TRRAP: variants seen among roughly 807,000 people sequenced by gnomAD.
TRRAP encodes transformation/transcription domain-associated protein.
A neutral mutation model predicts 438.8 loss-of-function variants in TRRAP; 41 were observed. The ratio of observed to expected loss-of-function variants is 0.09; its 90% CI spans 0.07 to 0.12. TRRAP has a LOEUF of 0.12. Among genes scored for constraint, TRRAP ranks in the 10% least tolerant of loss-of-function variants. The pLI, the probability that TRRAP is intolerant of heterozygous loss-of-function variation, is 1.00. For missense variants in TRRAP, 3,122 were observed against 5,055.1 expected (o/e 0.62, Z 11.60); for synonymous variants, 1,994 against 1,962.9 (o/e 1.02, Z -0.42).
intron 69 of TRRAP, among the ~76,000 whole-genome samples, chr7:99,006,301 C>T (rs74851771): frequency 1.1e-3 from 161 of 152,334 alleles, no homozygotes; most frequent in African/African-American, 3.7e-3. Flanking sequence ...GCCACCAAAG[C>T]TGTGATCAGC....
chr7:98,966,001 G>C, intron 49 of TRRAP, 106 bp downstream of exon 49: 1 of 1,269,984 alleles, frequency 7.9e-7, no homozygotes, highest in Non-Finnish European at 1.1e-6. Context: ...TTTTTCTGCT[G>C]TAATTGCACT....
chr7:99,001,455 G>A (rs1344595284), intron 67 of TRRAP, among the ~76,000 whole-genome samples: 1 of 152,160 alleles, frequency 6.6e-6, no homozygotes. Context: ...TATTCAGCAT[G>A]CTTTTATCTT....
In TRRAP at chr7:98,983,535, T is replaced by G. The variant is rs770685041; in HGVS notation, c.9022+76T>G. The G allele has an allele frequency of 5.1e-6, 8 of 1,556,098 alleles. No individual in the cohort carries two copies. The African/African-American group carries it at 9.5e-5, about 19-fold the overall frequency. ...CCACGGTTCTGGTTTCGTCTCTGTG[T>G]TTTGGTTTGGTTTGGTTTGGTTTTT... On this transcript the variant is annotated intron_variant, in intron 60 of 72. Coordinates refer to ENST00000456197, the MANE Select transcript of TRRAP (RefSeq NM_001375524.1).
chr7:99,008,410 G>A lies in TRRAP; in HGVS notation c.10787G>A (p.Arg3596His), dbSNP rs371641479. ...PRVVAVSPQM[R>H]LVEDNPSSLS... ...GTTGTGGCAGTTTCCCCACAGATGC[G>A]CCTCGTGGAGGACAACCCCTCTTCA... Residue 3596 changes from arginine (R) to histidine (H), a missense_variant, in exon 70 of 73, where the codon CGC (arginine) becomes CAC (histidine). By Grantham distance (29) the Arg-to-His change is conservative (BLOSUM62 0). Around this residue, in one of 24 missense-constraint regions of TRRAP, gnomAD observed 95 missense variants for 144.1 expected, o/e 0.66. Coordinates refer to ENST00000456197, the MANE Select transcript of TRRAP (RefSeq NM_001375524.1). The A allele has an allele frequency of 3.1e-5, 50 of 1,614,080 alleles. No homozygotes were observed. The highest frequency in any genetic ancestry group is 3.9e-5 in the Non-Finnish European group (46 of 1,180,042).
chr7:98,959,631 A>G, intron 45 of TRRAP, 141 bp downstream of exon 45: 2 of 1,245,624 alleles, frequency 1.6e-6, no homozygotes, highest in Admixed American at 2.8e-5. Context: ...TTTGCCAGTC[A>G]TGGCCTCTCC....
rs377724168 is a variant in TRRAP, at chr7:98,984,054, G to A, written c.9023-39G>A. 3 of 1,516,372 alleles carry A rather than the reference G, an allele frequency of 2.0e-6. No homozygotes were observed. The African/African-American group carries it at 4.2e-5, about 21-fold the overall frequency. The allele number at this position is 1,516,372 out of a possible 1,614,324, so 93.9% of individuals were successfully genotyped here. On this transcript the variant is annotated intron_variant, in intron 60 of 72. Transcript: ENST00000456197. ...CTTGTTGTGAAGTGCTTTGAAAGAG[G>A]ATCGGTGTGGGCTAATGATTCCTTT...
intron 48 of TRRAP, among the ~76,000 whole-genome samples, chr7:98,965,329 T>C (rs1026228900): frequency 2.0e-5 from 3 of 152,194 alleles, no homozygotes; most frequent in Non-Finnish European, 2.9e-5. Context: ...AGCTGAGCAG[T>C]GGGCTCCTGG....
chr7:98,909,011 G>T, intron 14 of TRRAP, 49 bp downstream of exon 14: 18 of 1,409,076 alleles, frequency 1.3e-5, no homozygotes, highest in Admixed American at 2.5e-5. Context: ...TATCCTGTTT[G>T]TGGCTAAATT....
intron 21 of TRRAP, among the ~76,000 whole-genome samples, 198 bp downstream of exon 21, chr7:98,922,151 C>G (rs1351200725): frequency 1.3e-5 from 2 of 152,152 alleles, no homozygotes; most frequent in African/African-American, 4.8e-5. Flanking sequence ...GAACTTGGTA[C>G]TCTGGAGCAG....
intron 27 of TRRAP, among the ~76,000 whole-genome samples, chr7:98,934,008 A>AT (rs1554413661): frequency 1.3e-5 from 2 of 151,970 alleles, no homozygotes; most frequent in Admixed American, 6.6e-5. Context: ...CCGAGTTCTT[A>AT]TTTTTTTTAG....
chr7:99,001,079 A>C (rs1793899447), intron 67 of TRRAP, among the ~76,000 whole-genome samples: 2 of 152,270 alleles, frequency 1.3e-5, no homozygotes, highest in South Asian at 4.1e-4. Flanking sequence ...GTCACATAAA[A>C]GAAAATCTTC....
chr7:98,896,119 A>G (rs1324658022), intron 7 of TRRAP, among the ~76,000 whole-genome samples: 1 of 152,236 alleles, frequency 6.6e-6, no homozygotes, highest in Non-Finnish European at 1.5e-5. Context: ...AACCATTGAC[A>G]TGGAGGTTTT....
At chr7:98,902,957 G>T (rs1024988727) in intron 11 of TRRAP, among the ~76,000 whole-genome samples, 12 of 149,882 alleles carry the variant, frequency 8.0e-5, no homozygotes, top group Admixed American at 1.3e-4. Flanking sequence ...TGCACCCTTA[G>T]TCCCAGCTAC....
chr7:98,929,101 G>A (rs6960312), intron 23 of TRRAP, among the ~76,000 whole-genome samples: 22,442 of 151,900 alleles, frequency 0.15, 5,211 homozygotes, highest in African/African-American at 0.5. Context: ...ACCACGCCCG[G>A]GTAATTTTTT....
chr7:98,910,229 A>AGGG lies in TRRAP; in HGVS notation c.1524_1525insGGG (p.Pro508_Pro509insGly). The AGGG allele has an allele frequency of 2.7e-6, 1 of 372,700 alleles. No homozygotes were observed. The highest frequency in any genetic ancestry group is 3.5e-6 in the Non-Finnish European group (1 of 286,512). The allele number at this position is 372,700 out of a possible 1,614,324, so 23.1% of individuals were successfully genotyped here. ...CAGCCCCTGTCCCTGCCCCACCTCC[A>AGGG]CCCCCGCCCCCACCCCCACCTGCCA... is the stretch of plus-strand genomic sequence containing the variant. On this transcript the variant is annotated inframe_insertion, in exon 15 of 73. Transcript: ENST00000456197.
intron 8 of TRRAP, among the ~76,000 whole-genome samples, chr7:98,899,015 G>T (rs530379648): frequency 8.5e-5 from 13 of 152,060 alleles, no homozygotes; most frequent in African/African-American, 3.1e-4. Flanking sequence ...TGGCAAAACC[G>T]CATCTCTACT....
At chr7:98,895,671 T>A in intron 6 of TRRAP, 93 bp from the exon 7 acceptor site, 1 of 1,103,524 alleles carries the variant, frequency 9.1e-7, no homozygotes. Flanking sequence ...TATGAGTTCT[T>A]ACGTAGTAAG....
chr7:98,906,330 T>C, intron 13 of TRRAP, 75 bp downstream of exon 13: 1 of 1,225,786 alleles, frequency 8.2e-7, no homozygotes, highest in South Asian at 1.4e-5. Context: ...ATGTTACAAG[T>C]GTTTCAATGA....
chr7:98,916,014 G>C, intron 19 of TRRAP, 126 bp downstream of exon 19: 1 of 1,283,068 alleles, frequency 7.8e-7, no homozygotes, highest in Non-Finnish European at 1.1e-6. Context: ...ATGGGATGTG[G>C]CACATCCGCC....
Sources: gnomAD v4.1 joint callset for allele counts (sites outside exome capture counted in the v4.1 genomes callset) on GRCh38, gnomAD v4.1.1 for gene constraint, gnomAD v4.1.1 regional missense constraint, MANE v1.5 for transcripts, NCBI Gene and HGNC (gene_info 2026-07-23, HGNC 2026-07-21) for gene names.